The following PTPRD variants were observed in gnomAD, a reference collection of about 807,000 sequenced individuals.
PTPRD encodes protein tyrosine phosphatase receptor type D.
A neutral mutation model predicts 214.5 loss-of-function variants in PTPRD; 34 were observed. The observed-to-expected ratio is 0.16, with a 90% CI of 0.12 to 0.21. The LOEUF (loss-of-function observed/expected upper bound fraction) is 0.21, where lower values mean the gene tolerates loss of function less well. Among genes scored for constraint, PTPRD ranks in the 10% least tolerant of loss-of-function variants. The pLI is 1.00. For synonymous variants in PTPRD, 1,128 were observed against 845.7 expected (o/e 1.33, Z -5.79); for missense variants, 2,545 against 2,398.7 (o/e 1.06, Z -1.27).
At chr9:8,768,331 C>A (rs1003574265) in intron 11 of PTPRD, among the ~76,000 whole-genome samples, 2 of 152,080 alleles carry the variant, frequency 1.3e-5, no homozygotes, top group East Asian at 3.9e-4. Flanking sequence ...CAGGTGGATC[C>A]CTTGAGCCTA....
At chr9:9,562,247 C>A (rs867892792) in intron 8 of PTPRD, among the ~76,000 whole-genome samples, 2 of 152,254 alleles carry the variant, frequency 1.3e-5, no homozygotes, top group Middle Eastern at 6.8e-3. Flanking sequence ...GTCCCTCAGG[C>A]AATTGGTTGG....
chr9:9,935,540 A>C (rs903109907), intron 5 of PTPRD, among the ~76,000 whole-genome samples: 4 of 152,158 alleles, frequency 2.6e-5, no homozygotes, highest in Non-Finnish European at 1.5e-5. Context: ...GACCTCTCCA[A>C]GGAGAACTAC....
chr9:8,826,072 C>T (rs745414165), intron 11 of PTPRD, among the ~76,000 whole-genome samples: 3 of 152,122 alleles, frequency 2.0e-5, no homozygotes, highest in Non-Finnish European at 4.4e-5. Flanking sequence ...GATGGAGTTG[C>T]TCTGGTTCAC....
chr9:10,190,854 C>T (rs2099360993), intron 3 of PTPRD, among the ~76,000 whole-genome samples: 1 of 151,512 alleles, frequency 6.6e-6, no homozygotes, highest in Admixed American at 6.6e-5. Flanking sequence ...AAGTAATACA[C>T]AGGGTATGGG....
At chr9:8,374,051 C>T (rs2082460774) in intron 39 of PTPRD, among the ~76,000 whole-genome samples, 1 of 150,886 alleles carries the variant, frequency 6.6e-6, no homozygotes, top group Non-Finnish European at 1.5e-5. Context: ...TCAGTGAAAA[C>T]TCCCAAATTA....
At chr9:9,980,170 C>T (rs938882501) in intron 4 of PTPRD, among the ~76,000 whole-genome samples, 1 of 151,920 alleles carries the variant, frequency 6.6e-6, no homozygotes, top group Admixed American at 6.6e-5. Context: ...TATGAAAATA[C>T]TAGCTATTTT....
At chr9:10,297,795 G>A (rs760060561) in intron 3 of PTPRD, among the ~76,000 whole-genome samples, 14 of 152,006 alleles carry the variant, frequency 9.2e-5, no homozygotes, top group Non-Finnish European at 1.6e-4. Flanking sequence ...AGGAATTTTG[G>A]TACAGTAAGT....
chr9:8,738,947 TG>T (rs1223498963), intron 11 of PTPRD, among the ~76,000 whole-genome samples: 1 of 152,194 alleles, frequency 6.6e-6, no homozygotes, highest in East Asian at 1.9e-4. Flanking sequence ...TGCATTAAGT[TG>T]GGGGATGGTA....
At chr9:8,553,867 C>T (rs1001661367) in intron 14 of PTPRD, among the ~76,000 whole-genome samples, 9 of 152,082 alleles carry the variant, frequency 5.9e-5, no homozygotes, top group Non-Finnish European at 1.2e-4. Context: ...AGAAGGCGGC[C>T]AGTCTCTTAC....
chr9:10,128,921 C>T lies in PTPRD; in HGVS notation c.-544-95131G>A, dbSNP rs370057708. Among the ~76,000 whole-genome samples, 8 of 152,132 alleles carry T rather than the reference C, an allele frequency of 5.3e-5. No homozygotes were observed. In the East Asian group the frequency reaches 1.4e-3, roughly 26 times the overall value. On this transcript the variant is annotated intron_variant, in intron 3 of 45. Transcript: ENST00000381196. The stretch of plus-strand genomic sequence containing the variant: ...TAGTCTTATATATTTAAACACAAAG[C>T]TGAATTAGAGTGTCATCATGGCTAC...
chr9:8,539,434 T>C (rs1383912085), intron 14 of PTPRD, among the ~76,000 whole-genome samples: 1 of 151,960 alleles, frequency 6.6e-6, no homozygotes, highest in Non-Finnish European at 1.5e-5. Context: ...CTAAGCACGG[T>C]AGTAGTCCTA....
chr9:10,249,135 A>G (rs1405498790), intron 3 of PTPRD, among the ~76,000 whole-genome samples: 1 of 152,144 alleles, frequency 6.6e-6, no homozygotes, highest in African/African-American at 2.4e-5. Flanking sequence ...TAAGTGACTA[A>G]AAGTGATTTT....
intron 9 of PTPRD, among the ~76,000 whole-genome samples, chr9:9,293,373 T>A (rs1192676086): frequency 6.7e-6 from 1 of 149,500 alleles, no homozygotes; most frequent in Non-Finnish European, 1.5e-5. Context: ...CATACTCCCA[T>A]CATTGTTTGT....
intron 9 of PTPRD, among the ~76,000 whole-genome samples, chr9:9,321,896 T>A (rs1266958453): frequency 6.6e-6 from 1 of 152,208 alleles, no homozygotes; most frequent in African/African-American, 2.4e-5. Context: ...GTAATAGACC[T>A]AATTAACTTG....
rs1210886300 is a variant in PTPRD, at chr9:9,833,684, G to GC, written c.-367-66834_-367-66833insG. ...ATAAGAGACAGGTACGCTCCGGAGA[G>GC]GGGGGCAGTTCAGAGACCTACCCCT... On this transcript the variant is annotated intron_variant, in intron 5 of 45. Transcript: ENST00000381196. Among the ~76,000 whole-genome samples the GC allele has an allele frequency of 1.2e-3, 171 of 144,980 alleles. 1 individual carries two copies. The highest frequency in any genetic ancestry group is 6.3e-4 in the East Asian group (3 of 4,736).
At chr9:9,014,199 GT>G (rs1234640194) in intron 11 of PTPRD, among the ~76,000 whole-genome samples, 29 of 127,962 alleles carry the variant, frequency 2.3e-4, no homozygotes, top group African/African-American at 5.7e-4. Flanking sequence ...TTGTTTGTTT[GT>G]TTTTTTTTTT....
At chr9:9,597,958 C>G (rs2093480247) in intron 7 of PTPRD, among the ~76,000 whole-genome samples, 1 of 151,914 alleles carries the variant, frequency 6.6e-6, no homozygotes, top group African/African-American at 2.4e-5. Context: ...TATATTTTTT[C>G]ATCATCACTA....
At chr9:8,671,165 G>A (rs1249723626) in intron 12 of PTPRD, among the ~76,000 whole-genome samples, 1 of 152,112 alleles carries the variant, frequency 6.6e-6, no homozygotes, top group Non-Finnish European at 1.5e-5. Flanking sequence ...GAAAATAAAT[G>A]TATTCTAAAC....
At chr9:9,582,628 A>C (rs2091081135) in intron 7 of PTPRD, among the ~76,000 whole-genome samples, 2 of 152,074 alleles carry the variant, frequency 1.3e-5, no homozygotes, top group South Asian at 4.1e-4. Flanking sequence ...GCGATGATGA[A>C]ATTATATCTC....
Sources: gnomAD v4.1 joint callset for allele counts (sites outside exome capture counted in the v4.1 genomes callset) on GRCh38, gnomAD v4.1.1 for gene constraint, MANE v1.5 for transcripts, NCBI Gene and HGNC (gene_info 2026-07-23, HGNC 2026-07-21) for gene names.